TBR1: variants seen among roughly 807,000 people sequenced by gnomAD.
The protein encoded by TBR1 is T-box brain transcription factor 1.
TBR1 carries 7 observed loss-of-function variants against 60.3 expected under a neutral mutation model. The ratio of observed to expected loss-of-function variants is 0.12; its 90% CI spans 0.07 to 0.22. TBR1 has a LOEUF of 0.22. Among genes scored for constraint, TBR1 ranks in the 10% least tolerant of loss-of-function variants. TBR1 has a pLI of 1.00. For missense variants in TBR1, 616 were observed against 936.8 expected, an observed-to-expected ratio of 0.66 and a Z score of 4.47; for synonymous variants, 417 against 409.9, an observed-to-expected ratio of 1.02 and a Z score of -0.21.
Position 161,424,366 on chromosome 2 carries a change from A to G in TBR1, c.*139A>G, listed in dbSNP as rs1684288667. On this transcript the variant is annotated 3_prime_UTR_variant, in exon 6 of 6. Transcript: ENST00000389554. This position sits in a 1 kb window ranked among gnomAD's most constrained non-coding sequence, Gnocchi z 4.4. ...GACCCTCGATGGCCGTCTGCAGCGA[A>G]TAAGTGCAGGTCTCCGAGCGTGATT... 5 of 962,476 alleles carry G rather than the reference A, an allele frequency of 5.2e-6. No homozygotes were observed. Among genetic ancestry groups the G allele is most frequent in the East Asian group, 2.7e-5 (1 of 37,342 alleles). 59.6% of individuals were successfully genotyped at this position (962,476 alleles called of 1,614,324 possible). A position where few individuals can be genotyped will look rare whatever the true frequency, so the allele number is the denominator to read the frequency against.
rs532782196 is a variant in TBR1, at chr2:161,418,981, C to A, written c.1059C>A (p.Pro353=). The A allele has an allele frequency of 3.1e-6, 5 of 1,614,232 alleles. No individual in the cohort carries two copies. The highest frequency in any genetic ancestry group is 3.3e-5 in the Admixed American group (2 of 60,032). Residue 353 remains proline, a synonymous_variant, in exon 4 of 6, where the codon CCC becomes CCA. Transcript: ENST00000389554. The part of the protein sequence containing the change: ...NEDGTEDTSQ[P]GRVQTFTFPE... ...ACGGCACGGAGGACACTAGCCAGCC[C>A]GGCCGCGTGCAGACGTTCACTTTCC...
chr2:161,423,815 G>A lies in TBR1; in HGVS notation c.1637G>A (p.Gly546Asp). ...LGYYADPSGW[G>D]ARSPPQYCGT... ...TACTACGCCGACCCGTCGGGCTGGG[G>A]CGCCCGCAGTCCCCCGCAGTACTGC... The change falls in exon 6 of 6, where the codon GGC becomes GAC. Residue 546 changes from glycine to aspartate, a missense_variant. Around this residue, in one of 8 missense-constraint regions of TBR1, gnomAD observed 210 missense variants for 297.4 expected, o/e 0.71. Transcript: ENST00000389554. 6.8e-7 allele frequency: 1 copy of A among 1,476,400 alleles called. No homozygotes were observed. Among genetic ancestry groups the A allele is most frequent in the Non-Finnish European group, 8.9e-7 (1 of 1,118,278 alleles). 91.5% of individuals were successfully genotyped at this position (1,476,400 alleles called of 1,614,324 possible).
chr2:161,417,753 T>C lies in TBR1; in HGVS notation c.770T>C (p.Ile257Thr). ...TAHYNIFVDV[I>T]LADPNHWRFQ... The stretch of plus-strand genomic sequence containing the variant: ...CATTACAATATTTTTGTGGATGTGA[T>C]TTTGGCGGATCCCAATCACTGGAGG... Residue 257 changes from isoleucine (I) to threonine (T), a missense_variant, in exon 2 of 6, where the codon ATT becomes ACT. Physicochemically the swap from Ile to Thr is moderately conservative, Grantham distance 89. Around this residue, in one of 8 missense-constraint regions of TBR1, gnomAD observed 85 missense variants for 164.9 expected, o/e 0.52. Transcript: ENST00000389554. This position sits in a 1 kb window ranked among gnomAD's most constrained non-coding sequence, Gnocchi z 5.3. The C allele has an allele frequency of 6.2e-7, 1 of 1,614,198 alleles. No homozygotes were observed. The highest frequency in any genetic ancestry group is 8.5e-7 in the Non-Finnish European group (1 of 1,180,042).
chr2:161,419,692 TTTG>T (rs1684197112), intron 4 of TBR1: 1 of 152,412 alleles, frequency 6.6e-6, no homozygotes, highest in African/African-American at 2.4e-5. Flanking sequence ...GGTTTTTGTG[TTTG>T]TTTCTTTTTT....
At chr2:161,420,418 CTTTTTTTTTTTTTTT>C (rs67826360) in intron 5 of TBR1, 161 bp downstream of exon 5, 2 of 93,960 alleles carry the variant, frequency 2.1e-5, no homozygotes, top group African/African-American at 8.8e-5. Flanking sequence ...TCTTCCTCTT[CTTTTTTTTTTTTTTT>C]TTTTTTTTGG....
intron 5 of TBR1, 100 bp downstream of exon 5, chr2:161,420,357 G>A: frequency 1.3e-6 from 1 of 743,484 alleles, no homozygotes; most frequent in Non-Finnish European, 2.0e-6. Context: ...TGGAATGTGT[G>A]AAGACAAGGT....
In TBR1 at chr2:161,420,271, T is replaced by C. The variant is rs759476148; in HGVS notation, c.1190+14T>C. The C allele has an allele frequency of 6.2e-7, 1 of 1,608,756 alleles. No individual in the cohort carries two copies. The highest frequency in any genetic ancestry group is 1.7e-5 in the Admixed American group (1 of 59,932). ...TAATTATGACACGTAAGTAACTTTGTATCTTCCTTTTCAAATAGCTGTGGA... is the reference window on the plus strand; with the variant it reads ...TAATTATGACACGTAAGTAACTTTGCATCTTCCTTTTCAAATAGCTGTGGA... On this transcript the variant is annotated intron_variant, in intron 5 of 5. Transcript: ENST00000389554.
chr2:161,424,208 G>A lies in TBR1; in HGVS notation c.2030G>A (p.Gly677Asp). ...GCCAAGGACATTAGCGGCTACTATG[G>A]CTTCTACTCGCACAGCTAGGCCGCC... ...NCAKDISGYY[G>D]FYSHS Residue 677 changes from glycine to aspartate, a missense_variant, in exon 6 of 6, where the codon GGC becomes GAC. Physicochemically the swap from Gly to Asp is moderately conservative, Grantham distance 94 (BLOSUM62 -1). Transcript: ENST00000389554. This position sits in a 1 kb window ranked among gnomAD's most constrained non-coding sequence, Gnocchi z 4.4. The A allele has an allele frequency of 1.9e-6, 3 of 1,598,332 alleles. No individual in the cohort carries two copies. The highest frequency in any genetic ancestry group is 2.6e-6 in the Non-Finnish European group (3 of 1,171,392).
chr2:161,420,414 T>C, intron 5 of TBR1, 157 bp downstream of exon 5: 1 of 189,142 alleles, frequency 5.3e-6, no homozygotes, highest in Non-Finnish European at 1.1e-5. Context: ...TTCTTCTTCC[T>C]CTTCTTTTTT....
rs763547652 is a variant in TBR1, at chr2:161,424,215, C to T, written c.2037C>T (p.Tyr679=). The change falls in exon 6 of 6, where the codon TAC becomes TAT. Residue 679 remains tyrosine (Y), a synonymous_variant. Transcript: ENST00000389554. The surrounding 1 kb of genome is among the most constrained non-coding windows in gnomAD (Gnocchi z 4.4). The part of the protein sequence containing the change: ...AKDISGYYGF[Y]SHS The stretch of plus-strand genomic sequence containing the variant: ...ACATTAGCGGCTACTATGGCTTCTA[C>T]TCGCACAGCTAGGCCGCCCCTGCCC... 1 of 1,591,440 alleles carries T rather than the reference C, an allele frequency of 6.3e-7. No homozygotes were observed. Among genetic ancestry groups the T allele is most frequent in the Non-Finnish European group, 8.6e-7 (1 of 1,167,286 alleles).
Position 161,424,255 on chromosome 2 carries a change from C to T in TBR1, c.*28C>T. 1 of 1,522,160 alleles carries T rather than the reference C, an allele frequency of 6.6e-7. No homozygotes were observed. The highest frequency in any genetic ancestry group is 8.9e-7 in the Non-Finnish European group (1 of 1,128,280). 94.3% of individuals were successfully genotyped at this position (1,522,160 alleles called of 1,614,324 possible). ...CGCCCCTGCCCGCCCGGCCCCGCCG[C>T]GGCCCGGACCCCCAGCCAGCCCCTC... On this transcript the variant is annotated 3_prime_UTR_variant, in exon 6 of 6. Coordinates refer to ENST00000389554, the MANE Select transcript of TBR1 (RefSeq NM_006593.4). The surrounding 1 kb of genome is among the most constrained non-coding windows in gnomAD (Gnocchi z 4.4).
In TBR1 at chr2:161,416,575, T is replaced by A; in HGVS notation, c.165T>A (p.Ile55=). The A allele has an allele frequency of 6.2e-7, 1 of 1,614,104 alleles. No homozygotes were observed. The highest frequency in any genetic ancestry group is 8.5e-7 in the Non-Finnish European group (1 of 1,180,026). ...AGAGAAGTTCACCTTTGAAAAAAAT[T>A]ACCAGGGGGATGACGAATCAGTCAG... ...NLERSSPLKK[I]TRGMTNQSDT... Residue 55 remains isoleucine (I), a synonymous_variant, in exon 1 of 6, where the codon ATT becomes ATA. Transcript: ENST00000389554. This position sits in a 1 kb window ranked among gnomAD's most constrained non-coding sequence, Gnocchi z 6.1.
Position 161,423,883 on chromosome 2 carries a change from G to A in TBR1, c.1705G>A (p.Ala569Thr), listed in dbSNP as rs764452041. The A allele has an allele frequency of 1.5e-6, 2 of 1,370,086 alleles. No individual in the cohort carries two copies. Among genetic ancestry groups the A allele is most frequent in the Non-Finnish European group, 9.4e-7 (1 of 1,065,526 alleles). 84.9% of individuals were successfully genotyped at this position (1,370,086 alleles called of 1,614,324 possible). A position where few individuals can be genotyped will look rare whatever the true frequency, so the allele number is the denominator to read the frequency against. Residue 569 changes from alanine (A) to threonine (T), a missense_variant, in exon 6 of 6, where the codon GCC (alanine) becomes ACC (threonine). Around this residue, in one of 8 missense-constraint regions of TBR1, gnomAD observed 210 missense variants for 297.4 expected, o/e 0.71. Transcript: ENST00000389554. ...GGTGCTGCCCTGCTGGCCCAACAGC[G>A]CCGCGGCCGCCGCGCGCATGGCCGG... The part of the protein sequence containing the change: ...GSVLPCWPNS[A>T]AAAARMAGAN...
chr2:161,423,869 G>A lies in TBR1; in HGVS notation c.1691G>A (p.Cys564Tyr). Residue 564 changes from cysteine to tyrosine, a missense_variant, in exon 6 of 6, where the codon TGC becomes TAC. Cys to Tyr is a radical substitution (Grantham distance 194, BLOSUM62 -2). Around this residue, in one of 8 missense-constraint regions of TBR1, gnomAD observed 210 missense variants for 297.4 expected, o/e 0.71. Coordinates refer to ENST00000389554, the MANE Select transcript of TBR1 (RefSeq NM_006593.4). ...ACCAAGTCGGGCTCGGTGCTGCCCT[G>A]CTGGCCCAACAGCGCCGCGGCCGCC... ...CGTKSGSVLP[C>Y]WPNSAAAAAR... The A allele has an allele frequency of 7.1e-7, 1 of 1,402,554 alleles. No individual in the cohort carries two copies. The highest frequency in any genetic ancestry group is 1.7e-5 in the South Asian group (1 of 60,284). 86.9% of individuals were successfully genotyped at this position (1,402,554 alleles called of 1,614,324 possible).
Position 161,417,965 on chromosome 2 carries a change from G to A in TBR1, c.847+135G>A. The A allele has an allele frequency of 1.4e-6, 2 of 1,462,172 alleles. No individual in the cohort carries two copies. Among genetic ancestry groups the A allele is most frequent in the Non-Finnish European group, 1.8e-6 (2 of 1,106,968 alleles). The allele number at this position is 1,462,172 out of a possible 1,614,324, so 90.6% of individuals were successfully genotyped here. A position where few individuals can be genotyped will look rare whatever the true frequency, so the allele number is the denominator to read the frequency against. ...TTCTAAAAGGAAACGAGGGGGACAG[G>A]GGGACAGACTGAGCTGCGAGAAGGG... is the stretch of plus-strand genomic sequence containing the variant. On this transcript the variant is annotated intron_variant, in intron 2 of 5. Transcript: ENST00000389554. This position sits in a 1 kb window ranked among gnomAD's most constrained non-coding sequence, Gnocchi z 5.3.
rs1684156930 is a variant in TBR1 at position 161,417,889 on chromosome 2, A to G, written c.847+59A>G. ...CTTATTTAGGTGAGAATGATTAATTAAAGCCTTTGTGGACTGGCTCGAGCG... is the reference window on the plus strand; with the variant it reads ...CTTATTTAGGTGAGAATGATTAATTGAAGCCTTTGTGGACTGGCTCGAGCG... On this transcript the variant is annotated intron_variant, in intron 2 of 5. Coordinates refer to ENST00000389554, the MANE Select transcript of TBR1 (RefSeq NM_006593.4). This position sits in a 1 kb window ranked among gnomAD's most constrained non-coding sequence, Gnocchi z 5.3. 5 of 1,584,038 alleles carry G rather than the reference A, an allele frequency of 3.2e-6. No homozygotes were observed. The highest frequency in any genetic ancestry group is 4.3e-6 in the Non-Finnish European group (5 of 1,164,156).
At position 161,416,974 on chromosome 2, in the gene TBR1, G is replaced by A. The variant is rs146857698; in HGVS notation, c.564G>A (p.Pro188=). The A allele has an allele frequency of 6.2e-7, 1 of 1,614,196 alleles. No homozygotes were observed. The highest frequency in any genetic ancestry group is 8.5e-7 in the Non-Finnish European group (1 of 1,180,044). The change falls in exon 1 of 6, where the codon CCG becomes CCA. Residue 188 remains proline, a synonymous_variant. Transcript: ENST00000389554. This position sits in a 1 kb window ranked among gnomAD's most constrained non-coding sequence, Gnocchi z 6.1. ...ACGGCCACTCCTACCAAGGAGCTCC[G>A]TTCTACCAGTTCTCCTCCACCCAGC... is the stretch of plus-strand genomic sequence containing the variant. The part of the protein sequence containing the change: ...QQYGHSYQGA[P]FYQFSSTQPG...
At chr2:161,418,035 A>T in intron 2 of TBR1, 166 bp from the exon 3 acceptor site, 1 of 1,455,024 alleles carries the variant, frequency 6.9e-7, no homozygotes, top group Non-Finnish European at 9.0e-7. Flanking sequence ...AGTTAATAGG[A>T]AGAAAGAATG....
intron 4 of TBR1, chr2:161,419,690 T>A (rs1684196806): frequency 6.6e-6 from 1 of 152,468 alleles, no homozygotes; most frequent in Admixed American, 6.5e-5. Flanking sequence ...GGGGTTTTTG[T>A]GTTTGTTTCT....
Sources: allele counts gnomAD v4.1 joint callset, GRCh38; gene constraint gnomAD v4.1.1; regional missense constraint gnomAD v4.1.1; non-coding constraint Gnocchi (gnomAD v3.1); transcripts MANE v1.5; gene names NCBI Gene and HGNC (gene_info 2026-07-23, HGNC 2026-07-21).